RORA: variants seen among roughly 807,000 people sequenced by gnomAD.
RORA encodes RAR related orphan receptor A.
A neutral mutation model predicts 69.5 loss-of-function variants in RORA; 7 were observed. That is an observed-to-expected ratio of 0.10 (90% confidence interval 0.06 to 0.19). RORA has a LOEUF of 0.19. RORA is among the 10% of genes least tolerant of loss of function. RORA has a pLI of 1.00. For synonymous variants in RORA, 261 were observed against 240.8 expected (o/e 1.08, Z -0.78); for missense variants, 457 against 663.0 (o/e 0.69, Z 3.41).
chr15:60,798,694 G>A (rs1476883653), intron 1 of RORA, among the ~76,000 whole-genome samples: 1 of 152,132 alleles, frequency 6.6e-6, no homozygotes, highest in East Asian at 1.9e-4. Flanking sequence ...GTAGCGGGGA[G>A]GGGACACAGG....
At chr15:61,014,867 C>T (rs1284236156) in intron 1 of RORA, among the ~76,000 whole-genome samples, 1 of 152,184 alleles carries the variant, frequency 6.6e-6, no homozygotes, top group Non-Finnish European at 1.5e-5. Context: ...TCCTCCCTGG[C>T]AAGCTCTCCC....
chr15:60,776,567 A>C (rs562047718), intron 1 of RORA, among the ~76,000 whole-genome samples: 2 of 152,302 alleles, frequency 1.3e-5, no homozygotes, highest in African/African-American at 2.4e-5. Context: ...AAATTATGCA[A>C]ACCAAACTGA....
At chr15:60,890,427 C>T (rs1567227245) in intron 1 of RORA, among the ~76,000 whole-genome samples, 2 of 152,224 alleles carry the variant, frequency 1.3e-5, no homozygotes, top group African/African-American at 4.8e-5. Flanking sequence ...AGGTGTACCG[C>T]TTGTCCACAC....
intron 1 of RORA, among the ~76,000 whole-genome samples, chr15:61,109,715 A>G (rs2078985592): frequency 6.6e-6 from 1 of 152,192 alleles, no homozygotes; most frequent in Non-Finnish European, 1.5e-5. Flanking sequence ...GCGCTCTGAA[A>G]CACTGCCTAA....
intron 1 of RORA, among the ~76,000 whole-genome samples, chr15:60,728,124 T>A (rs557176471): frequency 1.3e-5 from 2 of 152,210 alleles, no homozygotes; most frequent in Non-Finnish European, 2.9e-5. Flanking sequence ...ACTGAAAACC[T>A]TACTTCTACT....
At chr15:60,913,125 A>C (rs1891776439) in intron 1 of RORA, among the ~76,000 whole-genome samples, 1 of 152,194 alleles carries the variant, frequency 6.6e-6, no homozygotes, top group Non-Finnish European at 1.5e-5. Flanking sequence ...ACACTGGGTA[A>C]GGGCAGCCAC....
At chr15:61,122,284 T>C (rs2079111073) in intron 1 of RORA, among the ~76,000 whole-genome samples, 1 of 152,230 alleles carries the variant, frequency 6.6e-6, no homozygotes, top group African/African-American at 2.4e-5. Flanking sequence ...AGGGCTCTCT[T>C]CTATTGTGGA....
At chr15:60,775,044 C>G (rs373568128) in intron 1 of RORA, among the ~76,000 whole-genome samples, 2 of 152,192 alleles carry the variant, frequency 1.3e-5, no homozygotes, top group African/African-American at 2.4e-5. Flanking sequence ...ACACCCCACA[C>G]GTCTAAGATT....
Position 60,900,677 on chromosome 15 carries a change from T to C in RORA, c.167-221991A>G, listed in dbSNP as rs746429544. 2.8e-4 allele frequency among the ~76,000 whole-genome samples: 42 copies of C among 152,124 alleles called. 1 individual carries two copies. Among genetic ancestry groups the C allele is most frequent in the Admixed American group, 7.2e-4 (11 of 15,280 alleles). On this transcript the variant is annotated intron_variant, in intron 1 of 10. Coordinates refer to ENST00000335670, the MANE Select transcript of RORA (RefSeq NM_134261.3). ...TCATGAGGTCAAGAAATCGAGACCATCCTGGCCAACACGGTGAAACCCCGT... is the reference window on the plus strand; with the variant it reads ...TCATGAGGTCAAGAAATCGAGACCACCCTGGCCAACACGGTGAAACCCCGT...
At chr15:60,962,869 T>G (rs1893452698) in intron 1 of RORA, among the ~76,000 whole-genome samples, 1 of 152,216 alleles carries the variant, frequency 6.6e-6, no homozygotes, top group Admixed American at 6.5e-5. Flanking sequence ...AGAAAATAGG[T>G]GCACCTTATG....
At chr15:60,668,374 TC>T (rs2140730518) in intron 2 of RORA, among the ~76,000 whole-genome samples, 1 of 152,332 alleles carries the variant, frequency 6.6e-6, no homozygotes, top group Non-Finnish European at 1.5e-5. Flanking sequence ...CTAAGGTTCT[TC>T]ACCACAGCTT....
chr15:60,526,342 G>T (rs2066355135), intron 3 of RORA, among the ~76,000 whole-genome samples: 1 of 152,218 alleles, frequency 6.6e-6, no homozygotes, highest in South Asian at 2.1e-4. Context: ...ATTCAGCAAT[G>T]GTTATTCCCA....
chr15:60,497,690 T>A (rs2065203836), intron 10 of RORA, 71 bp from the exon 11 acceptor site: 7 of 1,207,744 alleles, frequency 5.8e-6, no homozygotes, highest in Non-Finnish European at 8.5e-6. Flanking sequence ...GGAACCTGAA[T>A]GATCTTTATG....
intron 2 of RORA, among the ~76,000 whole-genome samples, chr15:60,659,461 A>G (rs2070270813): frequency 6.6e-6 from 1 of 152,232 alleles, no homozygotes. Context: ...AAAATTTAAA[A>G]CAAGAGCAGG....
chr15:60,867,954 T>C (rs908796528), intron 1 of RORA, among the ~76,000 whole-genome samples: 1 of 152,242 alleles, frequency 6.6e-6, no homozygotes, highest in African/African-American at 2.4e-5. Flanking sequence ...GTTTTCAATT[T>C]TACTTACACG....
chr15:60,592,494 G>A (rs975392292), intron 2 of RORA: 9 of 1,326,132 alleles, frequency 6.8e-6, no homozygotes, highest in African/African-American at 3.1e-5. Context: ...CCGCGCCGCC[G>A]CCGCCCGAGC....
chr15:60,494,479 C>A lies in RORA; in HGVS notation c.*2976G>T, dbSNP rs1364085145. 2 of 152,216 alleles carry A rather than the reference C, an allele frequency of 1.3e-5. No individual in the cohort carries two copies. Among genetic ancestry groups the A allele is most frequent in the Admixed American group, 6.5e-5 (1 of 15,288 alleles). 9.4% of individuals were successfully genotyped at this position (152,216 alleles called of 1,614,324 possible). A position where few individuals can be genotyped will look rare whatever the true frequency, so the allele number is the denominator to read the frequency against. On this transcript the variant is annotated 3_prime_UTR_variant, in exon 11 of 11. Coordinates refer to ENST00000335670, the MANE Select transcript of RORA (RefSeq NM_134261.3). ...ATAAAAACTATTAAGGATAATTGTT[C>A]TGATATCACCCAAGTATTTTATGTC... is the stretch of plus-strand genomic sequence containing the variant.
chr15:60,926,473 G>C (rs896526016), intron 1 of RORA, among the ~76,000 whole-genome samples: 2 of 152,146 alleles, frequency 1.3e-5, no homozygotes, highest in African/African-American at 4.8e-5. Context: ...CCCAACCTTG[G>C]GTGCATTGAC....
intron 1 of RORA, among the ~76,000 whole-genome samples, chr15:61,201,920 AACTG>A (rs147578334): frequency 0.028 from 4,281 of 152,290 alleles, 195 homozygotes; most frequent in African/African-American, 0.095. Flanking sequence ...AGCGAAATCG[AACTG>A]ACTATTAGAT....
Sources: allele counts gnomAD v4.1 joint callset (sites outside exome capture counted in the v4.1 genomes callset), GRCh38; gene constraint gnomAD v4.1.1; transcripts MANE v1.5; gene names NCBI Gene and HGNC (gene_info 2026-07-23, HGNC 2026-07-21).